Variants in MFN2 observed in about 807,000 individuals in gnomAD.
MFN2 encodes mitofusin-2.
MFN2 carries 43 observed loss-of-function variants against 87.5 expected under a neutral mutation model. The ratio of observed to expected loss-of-function variants is 0.49; its 90% CI spans 0.38 to 0.63. The LOEUF (loss-of-function observed/expected upper bound fraction) is 0.63, where lower values mean the gene tolerates loss of function less well. MFN2 is among the 30% of genes least tolerant of loss of function. MFN2 has a pLI of 0.00. For synonymous variants in MFN2, 337 were observed against 359.9 expected (o/e 0.94, Z 0.72); for missense variants, 743 against 972.8 (o/e 0.76, Z 3.14).
intron 11 of MFN2, among the ~76,000 whole-genome samples, chr1:12,002,900 G>A (rs1639238898): frequency 6.6e-6 from 1 of 152,180 alleles, no homozygotes; most frequent in African/African-American, 2.4e-5. Context: ...AATATGTCAG[G>A]TTTTTACATG....
At chr1:11,998,741 A>C in intron 6 of MFN2, 29 bp from the exon 7 acceptor site, 1 of 1,599,728 alleles carries the variant, frequency 6.3e-7, no homozygotes. Flanking sequence ...GCTCTGCCTG[A>C]TGATTTGGTT....
intron 2 of MFN2, among the ~76,000 whole-genome samples, chr1:11,985,249 AG>A: frequency 6.6e-6 from 1 of 152,126 alleles, no homozygotes. Context: ...ATGGTGTGAG[AG>A]TAGAGAAAAA....
At chr1:12,006,302 C>T (rs1216891719) in intron 15 of MFN2, among the ~76,000 whole-genome samples, 1 of 152,236 alleles carries the variant, frequency 6.6e-6, no homozygotes. Context: ...ACACATCCCA[C>T]ACTCGGGGAA....
chr1:11,992,649 GGTGC>G lies in MFN2; in HGVS notation c.271_274del (p.Val91TrpfsTer6), dbSNP rs1638739623. On this transcript the variant is annotated frameshift_variant, in exon 4 of 19. Transcript: ENST00000235329. LOFTEE classifies it high-confidence loss of function. ...TATCCAAAGTGAGAGGCATCAGTGAGGTGCTGGCTCGGAGGCACATGAAAGTGGC... is the reference window on the plus strand; with the variant it reads ...TATCCAAAGTGAGAGGCATCAGTGAGTGGCTCGGAGGCACATGAAAGTGGC... The G allele has an allele frequency of 6.2e-7, 1 of 1,614,084 alleles. No homozygotes were observed. The highest frequency in any genetic ancestry group is 1.7e-5 in the Admixed American group (1 of 59,992).
intron 3 of MFN2, 70 bp from the exon 4 acceptor site, chr1:11,992,485 G>T (rs1034137906): frequency 1.8e-5 from 29 of 1,603,154 alleles, no homozygotes; most frequent in Non-Finnish European, 2.5e-5. Flanking sequence ...CGGCGCTCTG[G>T]CCCTTCCAGA....
At chr1:12,000,442 G>A (rs972396152) in intron 8 of MFN2, among the ~76,000 whole-genome samples, 1 of 152,058 alleles carries the variant, frequency 6.6e-6, no homozygotes, top group African/African-American at 2.4e-5. Flanking sequence ...CGCCCGCCTC[G>A]GCCTCCCAAA....
chr1:11,986,315 C>G (rs988135032), intron 2 of MFN2, among the ~76,000 whole-genome samples: 1 of 152,180 alleles, frequency 6.6e-6, no homozygotes, highest in African/African-American at 2.4e-5. Flanking sequence ...CATTTCCAAT[C>G]TAGAGAGAGT....
intron 17 of MFN2, 71 bp downstream of exon 17, chr1:12,007,320 C>T (rs942615845): frequency 7.7e-6 from 12 of 1,556,134 alleles, no homozygotes; most frequent in African/African-American, 2.7e-5. Flanking sequence ...CCTTCCCCAT[C>T]TCTCTTCCCA....
chr1:11,986,513 G>A (rs2100794271), intron 2 of MFN2, among the ~76,000 whole-genome samples: 1 of 152,200 alleles, frequency 6.6e-6, no homozygotes, highest in Middle Eastern at 3.4e-3. Context: ...TGAGGGACCT[G>A]GCAGGGGTCC....
chr1:11,989,468 C>A, intron 3 of MFN2, 125 bp downstream of exon 3: 3 of 1,108,048 alleles, frequency 2.7e-6, no homozygotes, highest in Non-Finnish European at 3.8e-6. Flanking sequence ...CTTAGAAATG[C>A]TCTGCTCTTG....
At position 12,001,553 on chromosome 1, in the gene MFN2, A is replaced by G. The variant is rs1639174381; in HGVS notation, c.969A>G (p.Gly323=). Residue 323 remains glycine, a splice_region_variant and synonymous_variant, in exon 9 of 19, where the codon GGA becomes GGG. Coordinates refer to ENST00000235329, the MANE Select transcript of MFN2 (RefSeq NM_014874.4). ...RIQKAQGMPE[G]GGALAEGFQV... is the part of the protein sequence containing the mutation. The stretch of plus-strand genomic sequence containing the variant: ...AGAAAGCCCAGGGCATGCCTGAAGG[A>G]GGTAATGATGAGAACAGATGTCCTC... The G allele has an allele frequency of 6.2e-7, 1 of 1,614,162 alleles. No individual in the cohort carries two copies. The highest frequency in any genetic ancestry group is 1.7e-4 in the Middle Eastern group (1 of 6,056).
intron 5 of MFN2, among the ~76,000 whole-genome samples, chr1:11,996,592 C>T (rs1419580372): frequency 6.6e-6 from 1 of 152,168 alleles, no homozygotes; most frequent in Non-Finnish European, 1.5e-5. Flanking sequence ...TTAAGGAAGA[C>T]AGTATGTGCT....
At position 12,009,787 on chromosome 1, in the gene MFN2, G is replaced by A. The variant is rs1027254026; in HGVS notation, c.2204+61G>A. The A allele has an allele frequency of 1.4e-5, 22 of 1,611,206 alleles. No homozygotes were observed. In the South Asian group the frequency reaches 1.4e-4, roughly 10 times the overall value. On this transcript the variant is annotated intron_variant, in intron 18 of 18. Coordinates refer to ENST00000235329, the MANE Select transcript of MFN2 (RefSeq NM_014874.4). ...CAGGGTGCAGCCCAGGCACACTGGG[G>A]CTCAGCTGCTGGGCTTGCGTCTTGG...
intron 4 of MFN2, among the ~76,000 whole-genome samples, chr1:11,994,572 G>A (rs539341664): frequency 2.1e-4 from 32 of 151,924 alleles, no homozygotes; most frequent in African/African-American, 7.0e-4. Flanking sequence ...CCTAGGTGAC[G>A]GAGTGAGACT....
intron 8 of MFN2, among the ~76,000 whole-genome samples, chr1:11,999,968 G>A (rs1639099249): frequency 6.6e-6 from 1 of 151,556 alleles, no homozygotes. Flanking sequence ...ATGGTGGCAG[G>A]CGCCTGTAGT....
chr1:11,985,469 T>TC lies in MFN2; in HGVS notation c.-5+3355_-5+3356insC, dbSNP rs1569784979. On this transcript the variant is annotated intron_variant, in intron 2 of 18. Coordinates refer to ENST00000235329, the MANE Select transcript of MFN2 (RefSeq NM_014874.4). ...ATCCTTGATCCCTTTTTTTTTTTTT[T>TC]TTTTTTTTTTTTTAAAGAGAGAGAC... 4.3e-5 allele frequency among the ~76,000 whole-genome samples: 6 copies of TC among 139,788 alleles called. No individual in the cohort carries two copies. The East Asian group carries it at 1.3e-3, about 30-fold the overall frequency. The allele number at this position is 139,788 out of a possible 152,430, so 91.7% of individuals were successfully genotyped here.
intron 1 of MFN2, chr1:11,981,743 C>T (rs189147521): frequency 2.3e-3 from 348 of 152,448 alleles, no homozygotes; most frequent in Non-Finnish European, 4.2e-3. Context: ...GTGCCTCAAA[C>T]CCGCACATGG....
chr1:11,994,698 G>T (rs1455353150), intron 4 of MFN2, among the ~76,000 whole-genome samples: 1 of 152,192 alleles, frequency 6.6e-6, no homozygotes, highest in African/African-American at 2.4e-5. Flanking sequence ...TGACCCTGAT[G>T]AACTGTAACC....
chr1:11,986,905 G>A (rs959212101), intron 2 of MFN2, among the ~76,000 whole-genome samples: 2 of 152,062 alleles, frequency 1.3e-5, no homozygotes, highest in African/African-American at 4.8e-5. Context: ...AAGACCTCTA[G>A]GACTTTGGAG....
Sources: allele counts gnomAD v4.1 joint callset (sites outside exome capture counted in the v4.1 genomes callset), GRCh38; gene constraint gnomAD v4.1.1; transcripts MANE v1.5; gene names NCBI Gene and HGNC (gene_info 2026-07-23, HGNC 2026-07-21).